The following MARCHF10 variants were observed in gnomAD, a reference collection of about 807,000 sequenced individuals.
MARCHF10 encodes membrane associated ring-CH-type finger 10.
In MARCHF10, 64 loss-of-function variants were observed where a neutral mutation model predicts 76.2. The observed-to-expected ratio is 0.84, with a 90% confidence interval of 0.69 to 1.03. The LOEUF (loss-of-function observed/expected upper bound fraction) is 1.03. Ranked by LOEUF, MARCHF10 falls within the 50% of genes least tolerant of loss-of-function variation. The probability of loss-of-function intolerance (pLI) is 0.00; values close to 1 mark genes in which losing one functional copy is unlikely to be tolerated. For synonymous variants in MARCHF10, 340 were observed against 357.5 expected, an observed-to-expected ratio of 0.95 and a Z score of 0.55; for missense variants, 875 against 958.0, an observed-to-expected ratio of 0.91 and a Z score of 1.14.
At chr17:62,731,465 G>T (rs780861044) in intron 6 of MARCHF10, among the ~76,000 whole-genome samples, 1 of 152,006 alleles carries the variant, frequency 6.6e-6, no homozygotes. Context: ...GTTTCATCAC[G>T]GTGGCCAGGT....
chr17:62,747,592 G>C (rs1333761345), intron 4 of MARCHF10, among the ~76,000 whole-genome samples: 2 of 152,180 alleles, frequency 1.3e-5, no homozygotes, highest in African/African-American at 4.8e-5. Context: ...TGGCCTAACT[G>C]GTTCATGCTA....
rs574083679 is a variant in MARCHF10 at position 62,702,008 on chromosome 17, G to C, written c.2372-250C>G. ...AAGACAGCATCTTGGTCATCTCCAC[G>C]TCCCCACATAGCCTGGTGCAGAACT... On this transcript the variant is annotated intron_variant, in intron 10 of 10. Transcript: ENST00000311269. Among the ~76,000 whole-genome samples, 6 of 152,134 alleles carry C rather than the reference G, an allele frequency of 3.9e-5. No homozygotes were observed. In the East Asian group the frequency reaches 9.7e-4, roughly 24 times the overall value.
At chr17:62,758,822 T>C (rs1026702238) in intron 4 of MARCHF10, among the ~76,000 whole-genome samples, 3 of 152,234 alleles carry the variant, frequency 2.0e-5, no homozygotes, top group African/African-American at 7.2e-5. Context: ...CTTCAGCAGT[T>C]AGCCTGGATC....
intron 3 of MARCHF10, among the ~76,000 whole-genome samples, chr17:62,765,648 C>T (rs891992422): frequency 6.6e-6 from 1 of 152,120 alleles, no homozygotes; most frequent in Non-Finnish European, 1.5e-5. Flanking sequence ...CACTATGGAA[C>T]GGCCAGAGTG....
intron 3 of MARCHF10, among the ~76,000 whole-genome samples, chr17:62,770,706 A>C (rs1489096281): frequency 6.6e-6 from 1 of 151,692 alleles, no homozygotes; most frequent in East Asian, 1.9e-4. Context: ...ACACCCAGCT[A>C]ATTTTTGTAT....
rs757924030 is a variant in MARCHF10 at position 62,737,004 on chromosome 17, G to C, written c.864C>G (p.Ser288Arg). The change falls in exon 6 of 11, where the codon AGC (serine) becomes AGG (arginine). Residue 288 changes from serine to arginine, a missense_variant. By Grantham distance (110) the Ser-to-Arg change is moderately radical. Coordinates refer to ENST00000311269, the MANE Select transcript of MARCHF10 (RefSeq NM_152598.4). ...SILSLNSRRESDDTEEETQSE... is the reference protein window; with the variant it reads ...SILSLNSRRERDDTEEETQSE... ...ACTGGGTTTCCTCTTCAGTGTCATC[G>C]CTTTCTCTTCTGCTGTTCAATGACA... is the stretch of plus-strand genomic sequence containing the variant. 2 of 1,614,102 alleles carry C rather than the reference G, an allele frequency of 1.2e-6. No individual in the cohort carries two copies. Among genetic ancestry groups the C allele is most frequent in the South Asian group, 2.2e-5 (2 of 91,084 alleles).
At chr17:62,718,373 T>TTC (rs2090324508) in intron 8 of MARCHF10, among the ~76,000 whole-genome samples, 1 of 152,176 alleles carries the variant, frequency 6.6e-6, no homozygotes, top group Non-Finnish European at 1.5e-5. Flanking sequence ...GTTGGGTCAG[T>TTC]TCTATAAATG....
intron 3 of MARCHF10, among the ~76,000 whole-genome samples, chr17:62,778,740 T>C (rs1319350426): frequency 2.1e-5 from 3 of 143,814 alleles, no homozygotes; most frequent in Non-Finnish European, 4.5e-5. Context: ...CAAAGGCAGG[T>C]AAAAGTGGAC....
chr17:62,711,395 C>A lies in MARCHF10; in HGVS notation c.2215-51G>T. 2 of 1,562,452 alleles carry A rather than the reference C, an allele frequency of 1.3e-6. No homozygotes were observed. The highest frequency in any genetic ancestry group is 2.2e-5 in the South Asian group (2 of 89,320). On this transcript the variant is annotated intron_variant, in intron 8 of 10. Transcript: ENST00000311269. This position sits in a 1 kb window ranked among gnomAD's most constrained non-coding sequence, Gnocchi z 4.4. ...AGTTCATCTGTAAAATAGTCATGGT[C>A]TAAATTGTGGGATGCAGGGTAACAA...
intron 8 of MARCHF10, among the ~76,000 whole-genome samples, chr17:62,718,028 G>A (rs1172770407): frequency 1.3e-5 from 2 of 152,176 alleles, no homozygotes; most frequent in African/African-American, 4.8e-5. Flanking sequence ...TCTCCCCTGA[G>A]TGCCAAGTCA....
At chr17:62,723,394 G>A (rs1599099312) in intron 7 of MARCHF10, among the ~76,000 whole-genome samples, 2 of 151,462 alleles carry the variant, frequency 1.3e-5, no homozygotes, top group East Asian at 1.9e-4. Context: ...GAAAATAAAA[G>A]ACCTATTAGT....
chr17:62,711,983 A>G lies in MARCHF10; in HGVS notation c.2215-639T>C, dbSNP rs896470535. Among the ~76,000 whole-genome samples, 2 of 152,182 alleles carry G rather than the reference A, an allele frequency of 1.3e-5. No individual in the cohort carries two copies. Among genetic ancestry groups the G allele is most frequent in the Non-Finnish European group, 2.9e-5 (2 of 68,036 alleles). On this transcript the variant is annotated intron_variant, in intron 8 of 10. Coordinates refer to ENST00000311269, the MANE Select transcript of MARCHF10 (RefSeq NM_152598.4). This position sits in a 1 kb window ranked among gnomAD's most constrained non-coding sequence, Gnocchi z 4.4. ...TGTGCTTTTTTTCTCGCTGGTGCTC[A>G]GAACAGGCGCTACACAGGGAGGATG...
chr17:62,721,602 T>C (rs762784013), intron 8 of MARCHF10, among the ~76,000 whole-genome samples: 1 of 152,176 alleles, frequency 6.6e-6, no homozygotes, highest in Non-Finnish European at 1.5e-5. Context: ...TGCCTGAGAA[T>C]TGGGTGATTA....
At chr17:62,795,101 G>A (rs1299456814) in intron 2 of MARCHF10, 24 of 979,044 alleles carry the variant, frequency 2.5e-5, no homozygotes, top group Non-Finnish European at 2.7e-5. Context: ...CCAGCTCCCT[G>A]AGTGGACAAC....
chr17:62,738,905 CGCTGGA>C lies in MARCHF10; in HGVS notation c.536-1579_536-1574del, dbSNP rs2091398096. On this transcript the variant is annotated intron_variant, in intron 5 of 10. Coordinates refer to ENST00000311269, the MANE Select transcript of MARCHF10 (RefSeq NM_152598.4). This position sits in a 1 kb window ranked among gnomAD's most constrained non-coding sequence, Gnocchi z 4.0. ...TGAGCATCTGGCTGTGGAACTACAG[CGCTGGA>C]GCTGGTGGCGAGGCCACTCCAGACT... Among the ~76,000 whole-genome samples, 1 of 152,224 alleles carries C rather than the reference CGCTGGA, an allele frequency of 6.6e-6. No individual in the cohort carries two copies. Among genetic ancestry groups the C allele is most frequent in the African/African-American group, 2.4e-5 (1 of 41,460 alleles).
intron 3 of MARCHF10, among the ~76,000 whole-genome samples, chr17:62,770,025 A>G (rs940071793): frequency 6.6e-6 from 1 of 152,120 alleles, no homozygotes; most frequent in African/African-American, 2.4e-5. Flanking sequence ...CCCCCTCCTT[A>G]GTGCACTTAG....
chr17:62,801,727 A>G lies in MARCHF10; in HGVS notation c.9T>C (p.His3=), dbSNP rs371565754. 1.2e-6 allele frequency: 2 copies of G among 1,614,074 alleles called. No individual in the cohort carries two copies. Among genetic ancestry groups the G allele is most frequent in the East Asian group, 4.5e-5 (2 of 44,880 alleles). ML[H]DARDRQKFFS... ...AGAACTTCTGCCTGTCCCTTGCGTCATGCAACATGATTCCTAATCCCTGAC... is the reference window on the plus strand; with the variant it reads ...AGAACTTCTGCCTGTCCCTTGCGTCGTGCAACATGATTCCTAATCCCTGAC... Residue 3 remains histidine (H), a synonymous_variant, in exon 2 of 11, where the codon CAT becomes CAC. Transcript: ENST00000311269.
At chr17:62,767,132 G>T (rs1376688843) in intron 3 of MARCHF10, among the ~76,000 whole-genome samples, 1 of 152,142 alleles carries the variant, frequency 6.6e-6, no homozygotes, top group Non-Finnish European at 1.5e-5. Flanking sequence ...AGATTGTGGG[G>T]AGCCCTGAGA....
chr17:62,794,937 G>A, intron 2 of MARCHF10: 2 of 788,236 alleles, frequency 2.5e-6, no homozygotes, highest in Non-Finnish European at 3.1e-6. Context: ...AGAAATCAAA[G>A]GCATAAAAAC....
Sources: gnomAD v4.1 joint callset for allele counts (sites outside exome capture counted in the v4.1 genomes callset) on GRCh38, gnomAD v4.1.1 for gene constraint, Gnocchi (gnomAD v3.1) non-coding constraint, MANE v1.5 for transcripts, NCBI Gene and HGNC (gene_info 2026-07-23, HGNC 2026-07-21) for gene names.